ZFAND3: variants seen among roughly 807,000 people sequenced by gnomAD.
ZFAND3 encodes the protein zinc finger AN1-type containing 3.
A neutral mutation model predicts 29.6 loss-of-function variants in ZFAND3; 10 were observed. The ratio of observed to expected loss-of-function variants is 0.34; its 90% CI spans 0.21 to 0.57. The LOEUF is 0.57. ZFAND3 is among the 20% of genes least tolerant of loss of function. ZFAND3 has a pLI of 0.86. For synonymous variants in ZFAND3, 128 were observed against 112.6 expected (o/e 1.14, Z -0.87); for missense variants, 230 against 304.5 (o/e 0.76, Z 1.82).
intron 2 of ZFAND3, among the ~76,000 whole-genome samples, chr6:38,045,334 C>T (rs977295338): frequency 5.3e-5 from 8 of 152,096 alleles, no homozygotes; most frequent in Admixed American, 2.0e-4. Context: ...AGTGATCCAC[C>T]CAGCTCGGCC....
chr6:38,137,800 A>G (rs1172543103), intron 5 of ZFAND3, among the ~76,000 whole-genome samples: 1 of 152,184 alleles, frequency 6.6e-6, no homozygotes, highest in Non-Finnish European at 1.5e-5. Context: ...CCTAGACAGA[A>G]CAAAGGCCCT....
chr6:37,889,277 A>G lies in ZFAND3; in HGVS notation c.72-40682A>G, dbSNP rs74512978. 0.017 allele frequency among the ~76,000 whole-genome samples: 2,593 copies of G among 152,300 alleles called. 255 individuals carry two copies. In the East Asian group the frequency reaches 0.28, roughly 16 times the overall value. The stretch of plus-strand genomic sequence containing the variant: ...GGAATAAAACTTTCCCCAGTGATTC[A>G]TCTGCCACTTTGCCAACTTCCGACT... On this transcript the variant is annotated intron_variant, in intron 1 of 5. Coordinates refer to ENST00000287218, the MANE Select transcript of ZFAND3 (RefSeq NM_021943.3).
intron 5 of ZFAND3, among the ~76,000 whole-genome samples, chr6:38,140,442 A>C (rs757034602): frequency 2.6e-5 from 4 of 152,186 alleles, no homozygotes; most frequent in East Asian, 1.9e-4. Context: ...TCTAAGTGAT[A>C]ATTGAAAAGG....
chr6:37,843,505 G>T (rs1328709929), intron 1 of ZFAND3, among the ~76,000 whole-genome samples: 1 of 151,568 alleles, frequency 6.6e-6, no homozygotes, highest in African/African-American at 2.4e-5. Context: ...AAAAAAATGT[G>T]TTCCTGTCTT....
chr6:37,829,495 A>G (rs1047474464), intron 1 of ZFAND3, among the ~76,000 whole-genome samples: 2 of 152,230 alleles, frequency 1.3e-5, no homozygotes, highest in Non-Finnish European at 2.9e-5. Flanking sequence ...AGATTGCACT[A>G]CTGCACTCCA....
chr6:38,073,709 A>G (rs1006069405), intron 3 of ZFAND3, among the ~76,000 whole-genome samples: 2 of 152,212 alleles, frequency 1.3e-5, no homozygotes, highest in African/African-American at 4.8e-5. Context: ...TCACATTTTG[A>G]AGTATCAGTG....
intron 2 of ZFAND3, among the ~76,000 whole-genome samples, chr6:38,018,918 CCATTCTCCTGG>C (rs1231032764): frequency 3.3e-5 from 5 of 152,134 alleles, no homozygotes; most frequent in African/African-American, 1.2e-4. Flanking sequence ...GTTTGAGAGT[CCATTCTCCTGG>C]CAGCAGAGAA....
At chr6:38,145,155 T>A (rs1766077565) in intron 5 of ZFAND3, among the ~76,000 whole-genome samples, 1 of 152,114 alleles carries the variant, frequency 6.6e-6, no homozygotes, top group Non-Finnish European at 1.5e-5. Context: ...CACCCACCTC[T>A]CCAGACCCCT....
In ZFAND3 at chr6:37,991,975, G is replaced by A. The variant is rs561859250; in HGVS notation, c.112+61976G>A. Reference sequence around the variant, plus strand: ...ATGAAATGTTAAGATTTTTTTGCCTGTGGTGATAAATCATGTTTGGTAATA... The same window carrying A: ...ATGAAATGTTAAGATTTTTTTGCCTATGGTGATAAATCATGTTTGGTAATA... On this transcript the variant is annotated intron_variant, in intron 2 of 5. Transcript: ENST00000287218. 3.1e-3 allele frequency among the ~76,000 whole-genome samples: 471 copies of A among 152,252 alleles called. 3 individuals carry two copies. Among genetic ancestry groups the A allele is most frequent in the African/African-American group, 0.011 (448 of 41,552 alleles).
chr6:37,920,052 C>CTTTTTTTTTT (rs11389241), intron 1 of ZFAND3, among the ~76,000 whole-genome samples: 1 of 93,410 alleles, frequency 1.1e-5, no homozygotes, highest in South Asian at 4.1e-4. Context: ...TTTTTTGAAG[C>CTTTTTTTTTT]TTTTTTTTTT....
At chr6:37,903,977 C>G (rs1765364923) in intron 1 of ZFAND3, among the ~76,000 whole-genome samples, 1 of 152,166 alleles carries the variant, frequency 6.6e-6, no homozygotes. Context: ...GAATAAATAA[C>G]TATAGCCTAC....
chr6:38,098,864 G>C (rs1043805910), intron 4 of ZFAND3, among the ~76,000 whole-genome samples: 1 of 151,970 alleles, frequency 6.6e-6, no homozygotes, highest in Non-Finnish European at 1.5e-5. Flanking sequence ...TGGAAACTTT[G>C]TCTTCAATAC....
At chr6:37,853,838 G>A (rs1043533964) in intron 1 of ZFAND3, among the ~76,000 whole-genome samples, 1 of 152,154 alleles carries the variant, frequency 6.6e-6, no homozygotes, top group East Asian at 1.9e-4. Flanking sequence ...AAACTATTTC[G>A]GGGGGAAAAC....
intron 2 of ZFAND3, among the ~76,000 whole-genome samples, chr6:37,965,975 CT>C (rs1163812152): frequency 1.3e-5 from 2 of 152,068 alleles, no homozygotes; most frequent in East Asian, 3.9e-4. Flanking sequence ...GTTACCCAGG[CT>C]GGTCTTGAAC....
intron 1 of ZFAND3, among the ~76,000 whole-genome samples, chr6:37,918,664 G>A (rs1211297361): frequency 2.0e-5 from 3 of 152,110 alleles, no homozygotes; most frequent in Non-Finnish European, 4.4e-5. Flanking sequence ...TAATGAGAGT[G>A]GATGAGTGGA....
chr6:38,023,206 C>T (rs1180343507), intron 2 of ZFAND3, among the ~76,000 whole-genome samples: 4 of 152,080 alleles, frequency 2.6e-5, no homozygotes, highest in East Asian at 3.9e-4. Flanking sequence ...TTTATCCTTC[C>T]GATAGGTTTT....
intron 2 of ZFAND3, among the ~76,000 whole-genome samples, chr6:37,944,258 C>T (rs1441019813): frequency 2.0e-5 from 3 of 152,032 alleles, no homozygotes; most frequent in Admixed American, 6.6e-5. Context: ...AGAACTAAAA[C>T]GTCCAAAAAC....
At chr6:37,963,122 G>A (rs568705201) in intron 2 of ZFAND3, among the ~76,000 whole-genome samples, 69 of 152,242 alleles carry the variant, frequency 4.5e-4, no homozygotes, top group African/African-American at 1.6e-3. Context: ...CACTCGCTGC[G>A]AGGGTCCGCA....
At position 38,152,320 on chromosome 6, in the gene ZFAND3, C is replaced by T. The variant is rs771939076; in HGVS notation, c.615C>T (p.Ile205=). The T allele has an allele frequency of 6.2e-7, 1 of 1,610,710 alleles. No individual in the cohort carries two copies. The highest frequency in any genetic ancestry group is 8.5e-7 in the Non-Finnish European group (1 of 1,178,672). Residue 205 remains isoleucine (I), a synonymous_variant, in exon 6 of 6, where the codon ATC becomes ATT. Coordinates refer to ENST00000287218, the MANE Select transcript of ZFAND3 (RefSeq NM_021943.3). ...DHMGRGREEA[I]MKMVKLDRKV... is the part of the protein sequence containing the mutation. ...TGGGCCGTGGCCGGGAGGAAGCCATCATGAAAATGGTGAAGCTGGACCGGA... is the reference window on the plus strand; with the variant it reads ...TGGGCCGTGGCCGGGAGGAAGCCATTATGAAAATGGTGAAGCTGGACCGGA...
Sources: allele counts gnomAD v4.1 joint callset (sites outside exome capture counted in the v4.1 genomes callset), GRCh38; gene constraint gnomAD v4.1.1; transcripts MANE v1.5; gene names NCBI Gene and HGNC (gene_info 2026-07-23, HGNC 2026-07-21).